The following CTNNA3 variants were observed in gnomAD, a reference collection of about 807,000 sequenced individuals.
CTNNA3 encodes catenin alpha-3.
CTNNA3 carries 76 observed loss-of-function variants against 95.7 expected under a neutral mutation model. That is an observed-to-expected ratio of 0.79 (90% confidence interval 0.66 to 0.96). The LOEUF (loss-of-function observed/expected upper bound fraction) is 0.96. CTNNA3 is among the 40% of genes least tolerant of loss of function. CTNNA3 has a pLI of 0.00. For synonymous variants in CTNNA3, 431 were observed against 374.4 expected (o/e 1.15, Z -1.74); for missense variants, 1,191 against 1,089.8 (o/e 1.09, Z -1.31).
chr10:67,729,176 C>G (rs534871135), intron 1 of CTNNA3, among the ~76,000 whole-genome samples: 1 of 152,136 alleles, frequency 6.6e-6, no homozygotes, highest in South Asian at 2.1e-4. Flanking sequence ...ATTCCCTTTT[C>G]TTATTGTTCC....
intron 3 of CTNNA3, among the ~76,000 whole-genome samples, chr10:67,599,543 A>G (rs1194560232): frequency 6.6e-6 from 1 of 152,182 alleles, no homozygotes; most frequent in African/African-American, 2.4e-5. Flanking sequence ...ACTATTTTCA[A>G]AAAACAAATG....
rs1293407068 is a variant in CTNNA3, at chr10:67,743,649, C to A, written c.-2+19785G>T. On this transcript the variant is annotated intron_variant, in intron 1 of 17. Coordinates refer to the CTNNA3 transcript ENST00000684154. ...TCAACATAGTGTTGAAAGTTCAGGC[C>A]AGGGCAATCAGGCAGGAGAAAGAAA... Among the ~76,000 whole-genome samples the A allele has an allele frequency of 1.3e-5, 2 of 151,162 alleles. 1 individual carries two copies. Among genetic ancestry groups the A allele is most frequent in the Non-Finnish European group, 3.0e-5 (2 of 67,752 alleles).
At chr10:66,879,943 G>T (rs1438524349) in intron 7 of CTNNA3, among the ~76,000 whole-genome samples, 1 of 152,092 alleles carries the variant, frequency 6.6e-6, no homozygotes, top group East Asian at 1.9e-4. Flanking sequence ...GAAATGTAGA[G>T]AGTATACATA....
intron 7 of CTNNA3, among the ~76,000 whole-genome samples, chr10:67,091,651 GA>G (rs1857648337): frequency 6.6e-6 from 1 of 152,190 alleles, no homozygotes; most frequent in African/African-American, 2.4e-5. Context: ...TCACTAAGGT[GA>G]AAAAGGTAAT....
intron 12 of CTNNA3, among the ~76,000 whole-genome samples, chr10:66,326,516 T>C (rs1564869511): frequency 1.3e-5 from 2 of 152,052 alleles, no homozygotes; most frequent in South Asian, 4.2e-4. Context: ...ATGAGTCATA[T>C]AAAAAGTGAA....
chr10:65,985,329 A>G (rs1268863389), intron 16 of CTNNA3, among the ~76,000 whole-genome samples: 1 of 151,250 alleles, frequency 6.6e-6, no homozygotes, highest in Admixed American at 6.6e-5. Context: ...AAAAGCCATG[A>G]AATAATATTA....
chr10:67,364,044 A>G (rs1356478696), intron 5 of CTNNA3, among the ~76,000 whole-genome samples: 2 of 152,216 alleles, frequency 1.3e-5, no homozygotes, highest in African/African-American at 2.4e-5. Context: ...TTAGGCCAAT[A>G]TGCCTGATGA....
At chr10:67,559,128 GA>G (rs1187088879) in intron 3 of CTNNA3, among the ~76,000 whole-genome samples, 12 of 152,228 alleles carry the variant, frequency 7.9e-5, no homozygotes, top group Non-Finnish European at 1.3e-4. Context: ...CAGCTTTGAA[GA>G]GAGCAGTGCT....
intron 13 of CTNNA3, among the ~76,000 whole-genome samples, chr10:66,265,830 C>T (rs1361628843): frequency 6.6e-6 from 1 of 151,970 alleles, no homozygotes; most frequent in African/African-American, 2.4e-5. Context: ...CTCATCATAA[C>T]TACTTTATCC....
chr10:66,146,147 C>A (rs556917236), intron 13 of CTNNA3, among the ~76,000 whole-genome samples: 11 of 152,058 alleles, frequency 7.2e-5, no homozygotes, highest in African/African-American at 2.7e-4. Context: ...CCACCGTGCC[C>A]GGCCGAAGTG....
intron 12 of CTNNA3, among the ~76,000 whole-genome samples, chr10:66,362,127 G>A (rs567143595): frequency 3.2e-4 from 44 of 135,736 alleles, no homozygotes; most frequent in African/African-American, 1.0e-3. Context: ...TTTTTGAGAC[G>A]GAGTCTTGCT....
chr10:67,727,077 C>G (rs1342935868), intron 1 of CTNNA3, among the ~76,000 whole-genome samples: 1 of 108,898 alleles, frequency 9.2e-6, no homozygotes, highest in African/African-American at 4.0e-5. Flanking sequence ...ATATATGATA[C>G]ATATATGATA....
chr10:66,569,336 A>C (rs1434602573), intron 10 of CTNNA3, among the ~76,000 whole-genome samples: 1 of 152,214 alleles, frequency 6.6e-6, no homozygotes, highest in African/African-American at 2.4e-5. Flanking sequence ...AAGGTTAATA[A>C]GAGATAATGG....
At chr10:66,195,470 T>C (rs1490121675) in intron 13 of CTNNA3, among the ~76,000 whole-genome samples, 1 of 144,146 alleles carries the variant, frequency 6.9e-6, no homozygotes, top group Non-Finnish European at 1.5e-5. Context: ...AATTCATTTG[T>C]ATTGTTATGA....
chr10:65,966,050 C>T (rs2077958073), intron 17 of CTNNA3, among the ~76,000 whole-genome samples: 1 of 151,964 alleles, frequency 6.6e-6, no homozygotes, highest in Admixed American at 6.6e-5. Flanking sequence ...TTAGTTCTAC[C>T]ATGGTAATTT....
chr10:66,268,949 GGC>G (rs2091218474), intron 13 of CTNNA3, among the ~76,000 whole-genome samples: 1 of 152,118 alleles, frequency 6.6e-6, no homozygotes, highest in African/African-American at 2.4e-5. Flanking sequence ...AAAACAGGCT[GGC>G]ATCAGACCAA....
chr10:67,329,180 C>T (rs1589172032), intron 5 of CTNNA3, among the ~76,000 whole-genome samples: 1 of 152,212 alleles, frequency 6.6e-6, no homozygotes, highest in East Asian at 1.9e-4. Context: ...AAGACCAGCC[C>T]GGACAACATG....
At chr10:66,852,378 A>T (rs550128562) in intron 7 of CTNNA3, among the ~76,000 whole-genome samples, 1 of 152,308 alleles carries the variant, frequency 6.6e-6, no homozygotes, top group African/African-American at 2.4e-5. Context: ...TTAGTGCTAG[A>T]CTATTAGGTC....
chr10:66,519,395 T>C (rs1173730578), intron 11 of CTNNA3, among the ~76,000 whole-genome samples: 2 of 152,184 alleles, frequency 1.3e-5, no homozygotes, highest in African/African-American at 2.4e-5. Flanking sequence ...GTCAAATACA[T>C]ATAATGGTTG....
Sources: allele counts gnomAD v4.1 joint callset (sites outside exome capture counted in the v4.1 genomes callset), GRCh38; gene constraint gnomAD v4.1.1; transcripts MANE v1.5; gene names NCBI Gene and HGNC (gene_info 2026-07-23, HGNC 2026-07-21).